The following NEK10 variants were observed in gnomAD, a reference collection of about 807,000 sequenced individuals.
The protein encoded by NEK10 is serine/threonine-protein kinase Nek10.
Under a neutral mutation model 159.8 loss-of-function variants are expected in NEK10, and 122 were observed. The observed-to-expected ratio is 0.76, with a 90% confidence interval of 0.66 to 0.89. The LOEUF (loss-of-function observed/expected upper bound fraction) is 0.89. Ranked by LOEUF, NEK10 falls within the 40% of genes least tolerant of loss-of-function variation. The probability of loss-of-function intolerance (pLI) is 0.00; values close to 1 mark genes in which losing one functional copy is unlikely to be tolerated. For synonymous variants in NEK10, 466 were observed against 457.1 expected (o/e 1.02, Z -0.25); for missense variants, 1,342 against 1,323.1 (o/e 1.01, Z -0.22).
Position 27,295,600 on chromosome 3 carries a change from A to G in NEK10, c.1308+13T>C, listed in dbSNP as rs762324077. On this transcript the variant is annotated intron_variant, in intron 15 of 35. Coordinates refer to ENST00000691995, the MANE Select transcript of NEK10 (RefSeq NM_001394966.1). ...ATAACTTGATACTGAAGGACAAGAG[A>G]CATGTTTATTACCTGTAATAGATTA... is the stretch of plus-strand genomic sequence containing the variant. 6.4e-7 allele frequency: 1 copy of G among 1,550,406 alleles called. No homozygotes were observed. The highest frequency in any genetic ancestry group is 1.4e-5 in the African/African-American group (1 of 73,580).
Position 27,140,062 on chromosome 3 carries a change from G to A in NEK10, c.2970+1420C>T, listed in dbSNP as rs138424793. 8.3e-3 allele frequency among the ~76,000 whole-genome samples: 1,270 copies of A among 152,248 alleles called. 15 individuals are homozygous for A. Among genetic ancestry groups the A allele is most frequent in the African/African-American group, 0.029 (1,207 of 41,528 alleles). On this transcript the variant is annotated intron_variant, in intron 31 of 35. Transcript: ENST00000691995. ...CATCTTCCATAAAGGGCAGCAGGGA[G>A]GTACTATTATTTAGAATGCCTTAGC... is the stretch of plus-strand genomic sequence containing the variant.
rs546465189 is a variant in NEK10, at chr3:27,137,035, T to A, written c.2970+4447A>T. On this transcript the variant is annotated intron_variant, in intron 31 of 35. Coordinates refer to ENST00000691995, the MANE Select transcript of NEK10 (RefSeq NM_001394966.1). The stretch of plus-strand genomic sequence containing the variant: ...GTAACTGATCTTGGTCTTTAACCTA[T>A]AGCAAATACACTAGTATAATATTTA... 2.0e-5 allele frequency among the ~76,000 whole-genome samples: 3 copies of A among 152,348 alleles called. No homozygotes were observed. In the East Asian group the frequency reaches 5.8e-4, roughly 29 times the overall value.
chr3:27,242,994 C>A (rs1377242471), intron 23 of NEK10, among the ~76,000 whole-genome samples: 1 of 151,978 alleles, frequency 6.6e-6, no homozygotes, highest in Non-Finnish European at 1.5e-5. Context: ...TATGATAGGC[C>A]ATAAAATTGT....
intron 1 of NEK10, among the ~76,000 whole-genome samples, chr3:27,363,518 T>C (rs1403545747): frequency 6.6e-6 from 1 of 152,216 alleles, no homozygotes; most frequent in African/African-American, 2.4e-5. Context: ...AATATCATGA[T>C]GTAGATATGG....
intron 22 of NEK10, among the ~76,000 whole-genome samples, chr3:27,260,848 T>G (rs776606378): frequency 6.6e-6 from 1 of 152,206 alleles, no homozygotes; most frequent in East Asian, 1.9e-4. Context: ...ATCCATCTGG[T>G]CCTAGACTTT....
At chr3:27,174,908 C>T in intron 26 of NEK10, 75 bp from the exon 27 acceptor site, 1 of 1,198,358 alleles carries the variant, frequency 8.3e-7, no homozygotes, top group Non-Finnish European at 1.2e-6. Flanking sequence ...CTTGTTAGAA[C>T]ATATATTAAC....
Position 27,109,378 on chromosome 3 carries a change from TAAAAAAAA to T in NEK10, c.*1886_*1893del, listed in dbSNP as rs369638958. Among the ~76,000 whole-genome samples the T allele has an allele frequency of 1.7e-5, 2 of 117,264 alleles. No individual in the cohort carries two copies. Among genetic ancestry groups the T allele is most frequent in the East Asian group, 5.2e-4 (2 of 3,876 alleles). 76.9% of individuals were successfully genotyped at this position (117,264 alleles called of 152,430 possible). ...TGGGCAACAGAGTGAGACTCTGTCTTAAAAAAAAAAAAAAAAAAAAAGAGTTAGATGGA... is the reference window on the plus strand; with the variant it reads ...TGGGCAACAGAGTGAGACTCTGTCTTAAAAAAAAAAAAAGAGTTAGATGGA... On this transcript the variant is annotated 3_prime_UTR_variant, in exon 36 of 36. Transcript: ENST00000691995.
intron 22 of NEK10, among the ~76,000 whole-genome samples, chr3:27,282,163 C>T (rs2042207522): frequency 6.6e-6 from 1 of 152,050 alleles, no homozygotes; most frequent in African/African-American, 2.4e-5. Context: ...AATTCTCACC[C>T]ATTACAATAG....
At chr3:27,342,160 C>T (rs1362726803) in intron 5 of NEK10, among the ~76,000 whole-genome samples, 1 of 152,058 alleles carries the variant, frequency 6.6e-6, no homozygotes, top group African/African-American at 2.4e-5. Context: ...TCCTCCCTTC[C>T]TTGCACACAG....
chr3:27,208,896 G>A (rs993813025), intron 23 of NEK10, among the ~76,000 whole-genome samples: 12 of 152,120 alleles, frequency 7.9e-5, no homozygotes, highest in Admixed American at 2.6e-4. Context: ...GACTACTGCC[G>A]TTACGCAGTT....
At chr3:27,146,448 G>A (rs774808770) in intron 30 of NEK10, among the ~76,000 whole-genome samples, 5 of 152,112 alleles carry the variant, frequency 3.3e-5, no homozygotes, top group South Asian at 2.1e-4. Context: ...GGTTAAGGAA[G>A]GAAATCCATG....
chr3:27,335,364 A>C (rs1352029023), intron 5 of NEK10, among the ~76,000 whole-genome samples: 3 of 151,724 alleles, frequency 2.0e-5, no homozygotes, highest in African/African-American at 7.3e-5. Flanking sequence ...GAACCAAATA[A>C]TACTAGATCT....
At chr3:27,342,518 AG>A (rs1450847721) in intron 5 of NEK10, among the ~76,000 whole-genome samples, 1 of 152,310 alleles carries the variant, frequency 6.6e-6, no homozygotes, top group East Asian at 1.9e-4. Flanking sequence ...ATACTATGAA[AG>A]CAAAGAGATC....
intron 3 of NEK10, among the ~76,000 whole-genome samples, chr3:27,347,995 ATTGCT>A (rs2047691236): frequency 6.6e-6 from 1 of 152,162 alleles, no homozygotes; most frequent in South Asian, 2.1e-4. Context: ...CATAGTTCTA[ATTGCT>A]TTGTACATAC....
chr3:27,368,880 T>C (rs569537317), intron 1 of NEK10, among the ~76,000 whole-genome samples: 5 of 152,192 alleles, frequency 3.3e-5, no homozygotes, highest in African/African-American at 1.2e-4. Context: ...CTCATAGAGA[T>C]GAAGAATGAA....
At chr3:27,256,676 C>T (rs1956212903) in intron 22 of NEK10, among the ~76,000 whole-genome samples, 1 of 152,052 alleles carries the variant, frequency 6.6e-6, no homozygotes, top group South Asian at 2.1e-4. Flanking sequence ...ATGACCTTGT[C>T]AGGCTAAAAG....
At chr3:27,267,111 T>C (rs1482740843) in intron 22 of NEK10, among the ~76,000 whole-genome samples, 5 of 152,148 alleles carry the variant, frequency 3.3e-5, no homozygotes, top group Non-Finnish European at 7.4e-5. Context: ...TGAGTTCTAC[T>C]CATACCCCAG....
intron 5 of NEK10, among the ~76,000 whole-genome samples, chr3:27,326,723 A>G (rs577956343): frequency 4.6e-5 from 7 of 152,316 alleles, no homozygotes; most frequent in African/African-American, 1.7e-4. Flanking sequence ...CTGAAGCCCA[A>G]AGCTATTAAT....
chr3:27,212,535 A>C (rs1224257338), intron 23 of NEK10, among the ~76,000 whole-genome samples: 2 of 152,260 alleles, frequency 1.3e-5, no homozygotes, highest in Non-Finnish European at 2.9e-5. Context: ...TTTGCTGAGC[A>C]GATACAAAGA....
Sources: allele counts gnomAD v4.1 joint callset (sites outside exome capture counted in the v4.1 genomes callset), GRCh38; gene constraint gnomAD v4.1.1; transcripts MANE v1.5; gene names NCBI Gene and HGNC (gene_info 2026-07-23, HGNC 2026-07-21).